The following CNTNAP5 variants were observed in gnomAD, a reference collection of about 807,000 sequenced individuals.
CNTNAP5 encodes the protein contactin-associated protein-like 5.
CNTNAP5 carries 72 observed loss-of-function variants against 150.2 expected under a neutral mutation model. The ratio of observed to expected loss-of-function variants is 0.48; its 90% CI spans 0.40 to 0.58. The LOEUF (loss-of-function observed/expected upper bound fraction) is 0.58. CNTNAP5 is among the 20% of genes least tolerant of loss of function. The pLI, the probability that CNTNAP5 is intolerant of heterozygous loss-of-function variation, is 0.00. For synonymous variants in CNTNAP5, 672 were observed against 619.8 expected (o/e 1.08, Z -1.25); for missense variants, 1,636 against 1,626.2 (o/e 1.01, Z -0.10).
chr2:124,502,365 C>T (rs1033583310), intron 7 of CNTNAP5, among the ~76,000 whole-genome samples: 27 of 152,232 alleles, frequency 1.8e-4, no homozygotes, highest in South Asian at 4.1e-4. Context: ...GTCCTGAAGC[C>T]GCCTTCCATG....
At chr2:124,224,908 A>G (rs891463718) in intron 2 of CNTNAP5, among the ~76,000 whole-genome samples, 3 of 152,138 alleles carry the variant, frequency 2.0e-5, no homozygotes, top group African/African-American at 7.2e-5. Context: ...ATGCACTGAC[A>G]TGGCTTAGAA....
intron 1 of CNTNAP5, among the ~76,000 whole-genome samples, chr2:124,137,753 T>C (rs1028752099): frequency 6.6e-6 from 1 of 152,156 alleles, no homozygotes; most frequent in African/African-American, 2.4e-5. Flanking sequence ...GTACTTGCCA[T>C]TGAAGAGATA....
chr2:124,902,975 T>C lies in CNTNAP5; in HGVS notation c.3530T>C (p.Leu1177Pro). Residue 1177 changes from leucine (L) to proline (P), a missense_variant, in exon 22 of 24, where the codon CTG becomes CCG. By Grantham distance (98) the Leu-to-Pro change is moderately conservative (BLOSUM62 -3). Transcript: ENST00000682447. ...GTCCAGTACAACCACATAGCACCAC[T>C]GAAGGCTGCCCTGCGCCATGCCACT... ...SSVQYNHIAPLKAALRHATVA... is the reference protein window; with the variant it reads ...SSVQYNHIAPPKAALRHATVA... 6.2e-7 allele frequency: 1 copy of C among 1,613,118 alleles called. No homozygotes were observed. The highest frequency in any genetic ancestry group is 8.5e-7 in the Non-Finnish European group (1 of 1,179,486).
intron 3 of CNTNAP5, among the ~76,000 whole-genome samples, chr2:124,311,123 T>C (rs1308463000): frequency 6.6e-6 from 1 of 152,248 alleles, no homozygotes; most frequent in Non-Finnish European, 1.5e-5. Context: ...TGAGCTTCTT[T>C]GCTTCATTTT....
In CNTNAP5 at chr2:124,321,979, G is replaced by C. The variant is rs568098995; in HGVS notation, c.381+79586G>C. 2.7e-3 allele frequency among the ~76,000 whole-genome samples: 414 copies of C among 152,108 alleles called. 1 individual carries two copies. Among genetic ancestry groups the C allele is most frequent in the African/African-American group, 9.4e-3 (392 of 41,522 alleles). Reference sequence around the variant, plus strand: ...AGCCTGACCAACATGGTGAAACCCTGTCTCTACTAAAAAGGCAAAAATTAG... The same window carrying C: ...AGCCTGACCAACATGGTGAAACCCTCTCTCTACTAAAAAGGCAAAAATTAG... On this transcript the variant is annotated intron_variant, in intron 3 of 23. Transcript: ENST00000682447.
rs775975217 is a variant in CNTNAP5, at chr2:124,818,428, G to C, written c.3217+20108G>C. On this transcript the variant is annotated intron_variant, in intron 19 of 23. Coordinates refer to ENST00000682447, the MANE Select transcript of CNTNAP5 (RefSeq NM_001367498.1). ...GGTTGTCCCAGCTACTTGGGAGGCA[G>C]AGGTGAGAGGATGACTTGAGCCCAA... is the stretch of plus-strand genomic sequence containing the variant. 2.6e-5 allele frequency among the ~76,000 whole-genome samples: 4 copies of C among 152,294 alleles called. No homozygotes were observed. The South Asian group carries it at 8.3e-4, about 32-fold the overall frequency.
intron 11 of CNTNAP5, among the ~76,000 whole-genome samples, chr2:124,597,731 CAG>C (rs1696865710): frequency 6.6e-6 from 1 of 151,920 alleles, no homozygotes; most frequent in Non-Finnish European, 1.5e-5. Context: ...TAATATCCTG[CAG>C]AGTGTTTTCC....
At chr2:124,698,946 G>C (rs1312969624) in intron 13 of CNTNAP5, among the ~76,000 whole-genome samples, 1 of 152,180 alleles carries the variant, frequency 6.6e-6, no homozygotes, top group Non-Finnish European at 1.5e-5. Context: ...GTGAGGAATG[G>C]AATTCTGTAT....
chr2:124,914,363 G>C lies in CNTNAP5; in HGVS notation c.*75G>C. The C allele has an allele frequency of 9.2e-7, 1 of 1,087,028 alleles. No individual in the cohort carries two copies. The highest frequency in any genetic ancestry group is 1.3e-6 in the Non-Finnish European group (1 of 741,536). The allele number at this position is 1,087,028 out of a possible 1,614,324, so 67.3% of individuals were successfully genotyped here. On this transcript the variant is annotated 3_prime_UTR_variant, in exon 24 of 24. Coordinates refer to ENST00000682447, the MANE Select transcript of CNTNAP5 (RefSeq NM_001367498.1). Reference sequence around the variant, plus strand: ...CTCCCCCTCTTCTCTCCTGTCTTTTGATTTGGTCATTCTCTTTATTTTCTG... The same window carrying C: ...CTCCCCCTCTTCTCTCCTGTCTTTTCATTTGGTCATTCTCTTTATTTTCTG...
At chr2:124,883,063 C>A (rs1011973463) in intron 21 of CNTNAP5, among the ~76,000 whole-genome samples, 17 of 120,800 alleles carry the variant, frequency 1.4e-4, no homozygotes, top group Middle Eastern at 4.7e-3. Flanking sequence ...TATATATCAT[C>A]CATTCTCTTT....
intron 8 of CNTNAP5, among the ~76,000 whole-genome samples, chr2:124,516,655 G>T (rs1008064143): frequency 2.0e-5 from 3 of 152,154 alleles, no homozygotes; most frequent in African/African-American, 7.2e-5. Flanking sequence ...TCTTGTGTGT[G>T]GCTGTCATGG....
At chr2:124,599,101 C>G (rs904276734) in intron 11 of CNTNAP5, among the ~76,000 whole-genome samples, 9 of 152,178 alleles carry the variant, frequency 5.9e-5, no homozygotes, top group Non-Finnish European at 1.3e-4. Context: ...AATCACCCGT[C>G]TTCTGCGTCG....
intron 1 of CNTNAP5, among the ~76,000 whole-genome samples, chr2:124,034,623 G>A (rs1681161314): frequency 6.6e-6 from 1 of 152,224 alleles, no homozygotes; most frequent in Non-Finnish European, 1.5e-5. Context: ...CCCCATAAGA[G>A]TGGGGGAAAC....
At chr2:124,450,228 G>GAT (rs762945513) in intron 6 of CNTNAP5, among the ~76,000 whole-genome samples, 42 of 149,016 alleles carry the variant, frequency 2.8e-4, no homozygotes, top group South Asian at 4.3e-4. Context: ...ATATACTTCT[G>GAT]ATATATATAT....
chr2:124,212,822 G>GATAA, intron 1 of CNTNAP5, among the ~76,000 whole-genome samples: 1 of 131,738 alleles, frequency 7.6e-6, no homozygotes, highest in Admixed American at 7.9e-5. Context: ...ACCATGTGTA[G>GATAA]ATAAATCTTT....
At chr2:124,879,284 T>C (rs80258411) in intron 21 of CNTNAP5, among the ~76,000 whole-genome samples, 1 of 152,224 alleles carries the variant, frequency 6.6e-6, no homozygotes, top group East Asian at 1.9e-4. Context: ...ATATTACATG[T>C]TCTATAATGT....
Position 124,388,181 on chromosome 2 carries a change from A to G in CNTNAP5, c.382-29262A>G, listed in dbSNP as rs116036989. ...CATTTGTGAGCACAGACTACCTCCT[A>G]AAGGCATCATGTCTCAGGGGCAGGA... On this transcript the variant is annotated intron_variant, in intron 3 of 23. Coordinates refer to ENST00000682447, the MANE Select transcript of CNTNAP5 (RefSeq NM_001367498.1). Among the ~76,000 whole-genome samples the G allele has an allele frequency of 3.4e-3, 516 of 152,262 alleles. 3 individuals carry two copies. The highest frequency in any genetic ancestry group is 0.011 in the African/African-American group (477 of 41,566).
chr2:124,479,038 A>G (rs965515108), intron 7 of CNTNAP5, among the ~76,000 whole-genome samples: 1 of 152,292 alleles, frequency 6.6e-6, no homozygotes, highest in Admixed American at 6.5e-5. Context: ...TTTAGTCTTT[A>G]TAGCTCGATT....
intron 11 of CNTNAP5, 103 bp downstream of exon 11, chr2:124,563,426 A>T (rs751079509): frequency 1.4e-6 from 1 of 691,080 alleles, no homozygotes; most frequent in Admixed American, 2.5e-5. Context: ...TGTTTTATTC[A>T]CTCATTCAGC....
Sources: allele counts gnomAD v4.1 joint callset (sites outside exome capture counted in the v4.1 genomes callset), GRCh38; gene constraint gnomAD v4.1.1; transcripts MANE v1.5; gene names NCBI Gene and HGNC (gene_info 2026-07-23, HGNC 2026-07-21).